The following CTNNA2 variants were observed in gnomAD, a reference collection of about 807,000 sequenced individuals.
CTNNA2 encodes catenin alpha 2, also known as catenin alpha-2.
Under a neutral mutation model 101.0 loss-of-function variants are expected in CTNNA2, and 42 were observed. That is an observed-to-expected ratio of 0.42 (90% CI 0.32 to 0.54). The LOEUF is 0.54. CTNNA2 is among the 20% of genes least tolerant of loss of function. The pLI, the probability that CTNNA2 is intolerant of heterozygous loss-of-function variation, is 0.14. For synonymous variants in CTNNA2, 450 were observed against 456.4 expected (o/e 0.99, Z 0.18); for missense variants, 871 against 1,223.1 (o/e 0.71, Z 4.29).
At chr2:80,451,381 A>C (rs1683493397) in intron 9 of CTNNA2, among the ~76,000 whole-genome samples, 1 of 152,140 alleles carries the variant, frequency 6.6e-6, no homozygotes, top group Non-Finnish European at 1.5e-5. Flanking sequence ...GAAGAAGGGC[A>C]TATTTGTTTC....
chr2:80,367,434 G>A (rs770735209), intron 7 of CTNNA2, among the ~76,000 whole-genome samples: 19 of 152,030 alleles, frequency 1.2e-4, no homozygotes, highest in Non-Finnish European at 2.2e-4. Flanking sequence ...GGGAGAAAAC[G>A]AATATAAGTC....
intron 7 of CTNNA2, among the ~76,000 whole-genome samples, chr2:80,305,848 A>G (rs906958159): frequency 6.6e-6 from 1 of 152,136 alleles, no homozygotes; most frequent in African/African-American, 2.4e-5. Flanking sequence ...CTTCTTGACA[A>G]AGATGCCCAG....
intron 7 of CTNNA2, among the ~76,000 whole-genome samples, chr2:80,388,983 G>A (rs936806426): frequency 2.6e-5 from 4 of 152,270 alleles, no homozygotes; most frequent in South Asian, 2.1e-4. Context: ...AAATATCTCA[G>A]ACTAGTTGTG....
intron 7 of CTNNA2, among the ~76,000 whole-genome samples, chr2:80,343,472 T>C (rs1295001131): frequency 6.6e-6 from 1 of 151,374 alleles, no homozygotes; most frequent in Non-Finnish European, 1.5e-5. Flanking sequence ...GAAAAAAGGA[T>C]GAAAATGATT....
intron 1 of CTNNA2, among the ~76,000 whole-genome samples, chr2:79,570,348 C>T (rs1558738558): frequency 6.6e-6 from 1 of 151,968 alleles, no homozygotes; most frequent in South Asian, 2.1e-4. Flanking sequence ...TTAGCAGGTG[C>T]CTAGAAATGA....
intron 2 of CTNNA2, among the ~76,000 whole-genome samples, chr2:79,741,982 C>G (rs1199320644): frequency 1.3e-5 from 2 of 152,056 alleles, no homozygotes; most frequent in Non-Finnish European, 2.9e-5. Context: ...TCCCTTTCTT[C>G]CCTTTGTGCT....
At chr2:80,079,629 C>T (rs535621880) in intron 7 of CTNNA2, among the ~76,000 whole-genome samples, 15 of 151,982 alleles carry the variant, frequency 9.9e-5, no homozygotes, top group South Asian at 2.1e-4. Flanking sequence ...CTGGCTAACA[C>T]GGTGAAACCC....
At chr2:80,237,573 C>T (rs1709612992) in intron 7 of CTNNA2, among the ~76,000 whole-genome samples, 1 of 151,964 alleles carries the variant, frequency 6.6e-6, no homozygotes, top group African/African-American at 2.4e-5. Flanking sequence ...TTGTTAACTC[C>T]AAAATGTGCC....
chr2:79,990,672 A>C (rs1271057653), intron 7 of CTNNA2, among the ~76,000 whole-genome samples: 1 of 152,220 alleles, frequency 6.6e-6, no homozygotes, highest in African/African-American at 2.4e-5. Flanking sequence ...TATGAAAAGG[A>C]GAAAAAGTAC....
chr2:79,707,628 C>T (rs1011564553), intron 2 of CTNNA2, among the ~76,000 whole-genome samples: 5 of 152,194 alleles, frequency 3.3e-5, no homozygotes, highest in Non-Finnish European at 7.3e-5. Flanking sequence ...AATACCATTT[C>T]TAAGTTTAGC....
chr2:79,807,434 A>G (rs1331208780), intron 3 of CTNNA2, among the ~76,000 whole-genome samples: 1 of 152,164 alleles, frequency 6.6e-6, no homozygotes, highest in Non-Finnish European at 1.5e-5. Context: ...TCATATTAAA[A>G]ACATATTTCT....
intron 7 of CTNNA2, among the ~76,000 whole-genome samples, chr2:80,172,408 G>A (rs1457407165): frequency 6.6e-6 from 1 of 152,150 alleles, no homozygotes. Context: ...GATACTGTAG[G>A]AAGGACACTG....
rs139348580 is a variant in CTNNA2 at position 80,331,106 on chromosome 2, G to A, written c.1057-62105G>A. 2.3e-3 allele frequency among the ~76,000 whole-genome samples: 346 copies of A among 151,644 alleles called. 2 individuals carry two copies. Among genetic ancestry groups the A allele is most frequent in the African/African-American group, 7.6e-3 (314 of 41,336 alleles). On this transcript the variant is annotated intron_variant, in intron 7 of 18. Coordinates refer to ENST00000402739, the MANE Select transcript of CTNNA2 (RefSeq NM_001282597.3). The stretch of plus-strand genomic sequence containing the variant: ...GTTTGTGAGAACAGTCCATTTCCAC[G>A]GGCCAGTGAATGGTGCAAAGAAGAA...
chr2:79,768,840 T>A (rs1236454048), intron 3 of CTNNA2, among the ~76,000 whole-genome samples: 2 of 152,042 alleles, frequency 1.3e-5, no homozygotes, highest in Non-Finnish European at 2.9e-5. Context: ...GAAAAGCAGT[T>A]TGTGTGACTG....
At chr2:80,343,758 A>G (rs1461809857) in intron 7 of CTNNA2, among the ~76,000 whole-genome samples, 2 of 152,172 alleles carry the variant, frequency 1.3e-5, no homozygotes, top group Admixed American at 6.5e-5. Flanking sequence ...TTCTCTCGCA[A>G]TTGGTACTTT....
Position 79,190,632 on chromosome 2 carries a change from G to A in CTNNA2, c.-524+5201G>A, listed in dbSNP as rs1368534090. Among the ~76,000 whole-genome samples the A allele has an allele frequency of 3.3e-5, 5 of 152,154 alleles. No individual in the cohort carries two copies. The South Asian group carries it at 1.0e-3, about 32-fold the overall frequency. ...TTTTGGCTTAGTAGCCACACCTGGA[G>A]AGGAAGCAAACATTCACAGGCCACC... On this transcript the variant is annotated intron_variant, in intron 1 of 21. Transcript: ENST00000466387.
intron 2 of CTNNA2, among the ~76,000 whole-genome samples, chr2:79,240,290 G>A (rs1674610796): frequency 6.6e-6 from 1 of 151,852 alleles, no homozygotes; most frequent in South Asian, 2.1e-4. Context: ...GTGTCATGGA[G>A]GCTTGGTATA....
At chr2:80,413,610 T>C (rs2149397970) in intron 8 of CTNNA2, among the ~76,000 whole-genome samples, 1 of 152,330 alleles carries the variant, frequency 6.6e-6, no homozygotes, top group East Asian at 1.9e-4. Context: ...ATTACCCTCA[T>C]TGACCTTCAG....
At chr2:79,706,224 G>C (rs113153226) in intron 2 of CTNNA2, among the ~76,000 whole-genome samples, 1,579 of 152,060 alleles carry the variant, frequency 0.01, 39 homozygotes, top group African/African-American at 0.035. Context: ...ATATGCGGGC[G>C]TGGTGGCGGG....
Sources: allele counts gnomAD v4.1 joint callset (sites outside exome capture counted in the v4.1 genomes callset), GRCh38; gene constraint gnomAD v4.1.1; transcripts MANE v1.5; gene names NCBI Gene and HGNC (gene_info 2026-07-23, HGNC 2026-07-21).